The following CNGB3 variants were observed in gnomAD, a reference collection of about 807,000 sequenced individuals.
The protein encoded by CNGB3 is cyclic nucleotide gated channel subunit beta 3, also known as cyclic nucleotide-gated channel beta-3.
CNGB3 carries 86 observed loss-of-function variants against 92.8 expected under a neutral mutation model. The ratio of observed to expected loss-of-function variants is 0.93; its 90% confidence interval spans 0.78 to 1.11. CNGB3 has a LOEUF of 1.11. Ranked by LOEUF, CNGB3 falls within the 50% of genes least tolerant of loss-of-function variation. CNGB3 has a pLI of 0.00. For synonymous variants in CNGB3, 333 were observed against 332.7 expected (o/e 1.00, Z -0.01); for missense variants, 1,026 against 956.8 (o/e 1.07, Z -0.95).
rs886063162 is a variant in CNGB3, at chr8:86,667,004, A to G, written c.773T>C (p.Ile258Thr). Residue 258 changes from isoleucine (I) to threonine (T), a missense_variant, in exon 6 of 18, where the codon ATC (isoleucine) becomes ACC (threonine). Transcript: ENST00000320005. ...ATAAAGGTAGATGATATCACATATG[A>G]TGTCCGCAATAAGCCAGTAGTGTAT... is the stretch of plus-strand genomic sequence containing the variant. Reference protein sequence around the residue: ...DNIHYWLIADIICDIIYLYDM... With the variant: ...DNIHYWLIADTICDIIYLYDM... The G allele has an allele frequency of 1.9e-6, 3 of 1,613,864 alleles. No homozygotes were observed. Among genetic ancestry groups the G allele is most frequent in the Non-Finnish European group, 2.5e-6 (3 of 1,180,004 alleles).
chr8:86,663,184 T>G (rs1432986178), intron 6 of CNGB3, among the ~76,000 whole-genome samples: 1 of 152,174 alleles, frequency 6.6e-6, no homozygotes, highest in African/African-American at 2.4e-5. Context: ...AAGCAGTTGA[T>G]TATAAAGGAA....
intron 6 of CNGB3, among the ~76,000 whole-genome samples, chr8:86,657,168 G>A (rs1241679402): frequency 6.6e-6 from 1 of 152,184 alleles, no homozygotes; most frequent in Non-Finnish European, 1.5e-5. Context: ...TGAGCCTCTG[G>A]CTCTTAAATA....
At chr8:86,739,319 C>G (rs1002534525) in intron 2 of CNGB3, among the ~76,000 whole-genome samples, 4 of 152,106 alleles carry the variant, frequency 2.6e-5, no homozygotes, top group African/African-American at 9.7e-5. Flanking sequence ...GAAATTGCAT[C>G]GTTCACAATA....
At chr8:86,658,962 T>C in intron 6 of CNGB3, 1 of 1,089,694 alleles carries the variant, frequency 9.2e-7, no homozygotes. Flanking sequence ...CAAGCCCTCA[T>C]TGTCTTGCAC....
At chr8:86,730,803 T>C (rs1005493580) in intron 2 of CNGB3, among the ~76,000 whole-genome samples, 2 of 152,216 alleles carry the variant, frequency 1.3e-5, no homozygotes, top group African/African-American at 4.8e-5. Context: ...TTTTATTGTA[T>C]CTTTGTAGAT....
rs1262781558 is a variant in CNGB3 at position 86,575,770 on chromosome 8, A to G, written c.*34T>C. On this transcript the variant is annotated 3_prime_UTR_variant, in exon 18 of 18. Transcript: ENST00000320005. Reference sequence around the variant, plus strand: ...AATCCTAGGTACAATCACTTTGGGAACTAGCTATATCACATCTAAAGATAA... The same window carrying G: ...AATCCTAGGTACAATCACTTTGGGAGCTAGCTATATCACATCTAAAGATAA... 1 of 1,569,102 alleles carries G rather than the reference A, an allele frequency of 6.4e-7. No individual in the cohort carries two copies. The highest frequency in any genetic ancestry group is 1.7e-5 in the Admixed American group (1 of 59,704).
intron 2 of CNGB3, among the ~76,000 whole-genome samples, chr8:86,736,912 C>G (rs7002468): frequency 0.67 from 102,089 of 152,004 alleles, 34,420 homozygotes; most frequent in South Asian, 0.75. Context: ...TTTAAAATCA[C>G]ATAATCTAGC....
At chr8:86,609,249 C>T (rs1822473238) in intron 14 of CNGB3, among the ~76,000 whole-genome samples, 1 of 152,212 alleles carries the variant, frequency 6.6e-6, no homozygotes, top group Non-Finnish European at 1.5e-5. Context: ...TCTGTTGCTA[C>T]TGGCCCCAAA....
rs73276811 is a variant in CNGB3, at chr8:86,727,494, A to G, written c.212-837T>C. Among the ~76,000 whole-genome samples the G allele has an allele frequency of 5.0e-3, 756 of 152,294 alleles. 2 individuals are homozygous for G. The highest frequency in any genetic ancestry group is 0.016 in the African/African-American group (666 of 41,588). ...TTTTCTGACGAAATGATACAAACTA[A>G]TATGTACTAGCTTTATTTTCAATAC... On this transcript the variant is annotated intron_variant, in intron 2 of 17. Coordinates refer to ENST00000320005, the MANE Select transcript of CNGB3 (RefSeq NM_019098.5).
At position 86,621,204 on chromosome 8, in the gene CNGB3, C is replaced by G. The variant is rs79552632; in HGVS notation, c.1578+4779G>C. Among the ~76,000 whole-genome samples the G allele has an allele frequency of 2.3e-3, 357 of 152,270 alleles. 4 individuals carry two copies. Among genetic ancestry groups the G allele is most frequent in the African/African-American group, 8.2e-3 (340 of 41,580 alleles). On this transcript the variant is annotated intron_variant, in intron 13 of 17. Coordinates refer to ENST00000320005, the MANE Select transcript of CNGB3 (RefSeq NM_019098.5). ...TTTGTTTTCCTTTAGAAAAGAGTTACTTACTGTCACTTATTCTCAATTAAG... is the reference window on the plus strand; with the variant it reads ...TTTGTTTTCCTTTAGAAAAGAGTTAGTTACTGTCACTTATTCTCAATTAAG...
chr8:86,677,992 CTTAT>C (rs902056904), intron 3 of CNGB3, among the ~76,000 whole-genome samples: 4 of 152,082 alleles, frequency 2.6e-5, no homozygotes, highest in African/African-American at 4.8e-5. Context: ...TTTTCAGCGA[CTTAT>C]TTCTCAAAAA....
intron 8 of CNGB3, among the ~76,000 whole-genome samples, chr8:86,647,410 A>T (rs1371946118): frequency 2.7e-5 from 4 of 150,860 alleles, no homozygotes; most frequent in African/African-American, 9.7e-5. Flanking sequence ...AATTTAGGGT[A>T]ATCTAACCTA....
At chr8:86,625,938 C>T in intron 13 of CNGB3, 45 bp downstream of exon 13, 1 of 1,458,482 alleles carries the variant, frequency 6.9e-7, no homozygotes, top group Non-Finnish European at 9.6e-7. Context: ...GCTTAGATTC[C>T]ATAGAGAAAT....
At chr8:86,674,373 T>C (rs191384858) in intron 3 of CNGB3, among the ~76,000 whole-genome samples, 1 of 152,372 alleles carries the variant, frequency 6.6e-6, no homozygotes, top group Admixed American at 6.5e-5. Context: ...ATATTTTAAC[T>C]ACTATGCATT....
intron 3 of CNGB3, among the ~76,000 whole-genome samples, chr8:86,702,593 G>C (rs1174508153): frequency 2.0e-5 from 3 of 152,080 alleles, no homozygotes; most frequent in Non-Finnish European, 4.4e-5. Context: ...TAACATTTGA[G>C]AATGTTTATT....
chr8:86,722,577 T>C (rs1387511343), intron 3 of CNGB3, among the ~76,000 whole-genome samples: 1 of 152,152 alleles, frequency 6.6e-6, no homozygotes, highest in Admixed American at 6.6e-5. Flanking sequence ...TCTGGTTGTG[T>C]CTTTGAGGAT....
intron 15 of CNGB3, among the ~76,000 whole-genome samples, chr8:86,581,221 A>T (rs1294121615): frequency 6.6e-6 from 1 of 152,216 alleles, no homozygotes; most frequent in African/African-American, 2.4e-5. Context: ...AGAGAGGTGA[A>T]TCCATAAAAC....
chr8:86,686,191 T>A (rs1247253493), intron 3 of CNGB3, among the ~76,000 whole-genome samples: 1 of 152,134 alleles, frequency 6.6e-6, no homozygotes, highest in African/African-American at 2.4e-5. Context: ...GTGCAAATAA[T>A]TTGTATGGTC....
intron 3 of CNGB3, among the ~76,000 whole-genome samples, chr8:86,681,464 G>A (rs1361819347): frequency 1.3e-5 from 2 of 152,120 alleles, no homozygotes; most frequent in Non-Finnish European, 2.9e-5. Context: ...GGTAAGAAAA[G>A]CATATGGAGA....
Sources: allele counts gnomAD v4.1 joint callset (sites outside exome capture counted in the v4.1 genomes callset), GRCh38; gene constraint gnomAD v4.1.1; transcripts MANE v1.5; gene names NCBI Gene and HGNC (gene_info 2026-07-23, HGNC 2026-07-21).